Variants in LARGE1 observed in about 807,000 individuals in gnomAD.
LARGE1 encodes LARGE xylosyl- and glucuronyltransferase 1.
Under a neutral mutation model 87.6 loss-of-function variants are expected in LARGE1, and 43 were observed. That is an observed-to-expected ratio of 0.49 (90% CI 0.38 to 0.63). The LOEUF is 0.63. Ranked by LOEUF, LARGE1 falls within the 30% of genes least tolerant of loss-of-function variation. The pLI is 0.00. For synonymous variants in LARGE1, 434 were observed against 394.6 expected, an observed-to-expected ratio of 1.10 and a Z score of -1.18; for missense variants, 802 against 1,000.2, an observed-to-expected ratio of 0.80 and a Z score of 2.67.
chr22:33,718,361 T>C (rs545394282), intron 2 of LARGE1, among the ~76,000 whole-genome samples: 64 of 152,184 alleles, frequency 4.2e-4, no homozygotes, highest in Non-Finnish European at 7.6e-4. Context: ...AGTGACCAAT[T>C]TATGAGAGGA....
chr22:33,589,570 A>T (rs1272175731), intron 5 of LARGE1, among the ~76,000 whole-genome samples: 1 of 151,898 alleles, frequency 6.6e-6, no homozygotes, highest in African/African-American at 2.4e-5. Flanking sequence ...TTCTTACTTC[A>T]CAGAATTCTG....
At chr22:33,271,420 C>T (rs995213951), downstream of LARGE1, among the ~76,000 whole-genome samples, 3 of 152,178 alleles carry the variant, frequency 2.0e-5, no homozygotes, top group Non-Finnish European at 4.4e-5. Context: ...TGCAGTTTTG[C>T]TCCAAGGGTT....
the LARGE1 span, among the ~76,000 whole-genome samples, chr22:33,142,001 C>T: frequency 3.9e-5 from 6 of 152,164 alleles, no homozygotes; most frequent in East Asian, 1.2e-3. Flanking sequence ...ATTGATGTCT[C>T]TTACAGCTCA....
intron 2 of LARGE1, among the ~76,000 whole-genome samples, chr22:33,713,296 A>C (rs1192704408): frequency 1.3e-5 from 2 of 152,154 alleles, no homozygotes; most frequent in African/African-American, 4.8e-5. Flanking sequence ...GGATCAGATA[A>C]AGAAAAATGA....
At chr22:33,350,565 A>T (rs1940268074) in intron 9 of LARGE1, among the ~76,000 whole-genome samples, 1 of 152,110 alleles carries the variant, frequency 6.6e-6, no homozygotes, top group Non-Finnish European at 1.5e-5. Context: ...TGGGTGGAGG[A>T]GCAGCTGGCT....
intron 1 of LARGE1, among the ~76,000 whole-genome samples, chr22:33,762,068 T>C (rs2084751111): frequency 6.6e-6 from 1 of 151,682 alleles, no homozygotes. Context: ...GCACAAAAAT[T>C]AGCAGGGTAT....
chr22:33,396,725 AC>A (rs1405053449), intron 7 of LARGE1, among the ~76,000 whole-genome samples: 1 of 152,148 alleles, frequency 6.6e-6, no homozygotes, highest in African/African-American at 2.4e-5. Flanking sequence ...TTCTAGGCAG[AC>A]AGGGTGGGCT....
At chr22:33,802,876 A>C (rs1466631565) in intron 1 of LARGE1, among the ~76,000 whole-genome samples, 1 of 152,100 alleles carries the variant, frequency 6.6e-6, no homozygotes, top group Non-Finnish European at 1.5e-5. Flanking sequence ...AATTCACCCC[A>C]GTACTTCAGT....
rs550607912 is a variant in LARGE1, at chr22:33,701,981, T to G, written c.107-51313A>C. On this transcript the variant is annotated intron_variant, in intron 2 of 14. Coordinates refer to ENST00000397394, the MANE Select transcript of LARGE1 (RefSeq NM_133642.5). ...GTGTCTTGCGATTTTGCTAGTTCAT[T>G]AGTGTGAGTGTTCCTCTCCTCTGTC... Among the ~76,000 whole-genome samples the G allele has an allele frequency of 2.7e-4, 41 of 152,328 alleles. 2 individuals carry two copies. Among genetic ancestry groups the G allele is most frequent in the Middle Eastern group, 3.4e-3 (1 of 294 alleles).
At chr22:33,648,942 A>G (rs965343928) in intron 3 of LARGE1, among the ~76,000 whole-genome samples, 3 of 152,230 alleles carry the variant, frequency 2.0e-5, no homozygotes, top group Non-Finnish European at 2.9e-5. Context: ...ATGTTTGCTG[A>G]ACGAATGGAT....
chr22:33,340,273 T>G (rs756080359), intron 9 of LARGE1, among the ~76,000 whole-genome samples: 6 of 151,714 alleles, frequency 4.0e-5, no homozygotes, highest in Non-Finnish European at 7.4e-5. Flanking sequence ...GCTTAACTAC[T>G]CACTGGGCTT....
chr22:33,767,177 C>T (rs1248546656), intron 1 of LARGE1, among the ~76,000 whole-genome samples: 1 of 150,618 alleles, frequency 6.6e-6, no homozygotes, highest in African/African-American at 2.4e-5. Flanking sequence ...AAAAAATCAG[C>T]TGGACGTGGT....
At chr22:33,473,254 C>T (rs946197827) in intron 6 of LARGE1, among the ~76,000 whole-genome samples, 4 of 151,950 alleles carry the variant, frequency 2.6e-5, no homozygotes, top group East Asian at 1.9e-4. Context: ...CTGCAACCTC[C>T]GGCTCCCAGG....
At chr22:33,394,387 A>G (rs1420504111) in intron 7 of LARGE1, among the ~76,000 whole-genome samples, 2 of 152,038 alleles carry the variant, frequency 1.3e-5, no homozygotes, top group Non-Finnish European at 2.9e-5. Flanking sequence ...TTTAGTAGAG[A>G]CGGGGTTTCA....
chr22:33,231,705 G>A (rs551566013), intron 11 of LARGE1, among the ~76,000 whole-genome samples: 1 of 152,256 alleles, frequency 6.6e-6, no homozygotes, highest in African/African-American at 2.4e-5. Flanking sequence ...ACTAATCCAG[G>A]TCTTTTGATT....
chr22:33,811,378 G>A (rs1376778952), intron 1 of LARGE1, among the ~76,000 whole-genome samples: 2 of 152,152 alleles, frequency 1.3e-5, no homozygotes, highest in Non-Finnish European at 1.5e-5. Context: ...TGGGACGCTC[G>A]TGGCTGAAGA....
At chr22:33,183,397 C>A (rs906420205) in intron 11 of LARGE1, among the ~76,000 whole-genome samples, 11 of 151,978 alleles carry the variant, frequency 7.2e-5, no homozygotes, top group African/African-American at 2.7e-4. Flanking sequence ...ATTGTTACAA[C>A]CTTTATGGAA....
chr22:33,706,197 T>A (rs1451251978), intron 2 of LARGE1, among the ~76,000 whole-genome samples: 1 of 152,194 alleles, frequency 6.6e-6, no homozygotes, highest in Non-Finnish European at 1.5e-5. Context: ...TTCAACCCCA[T>A]CAGACTGGCT....
chr22:33,308,378 C>T (rs139889863), intron 11 of LARGE1, among the ~76,000 whole-genome samples: 162 of 152,278 alleles, frequency 1.1e-3, no homozygotes, highest in Non-Finnish European at 2.2e-3. Context: ...GTTTTGGGGT[C>T]AGACAGGCCT....
Sources: allele counts gnomAD v4.1 joint callset (sites outside exome capture counted in the v4.1 genomes callset), GRCh38; gene constraint gnomAD v4.1.1; transcripts MANE v1.5; gene names NCBI Gene and HGNC (gene_info 2026-07-23, HGNC 2026-07-21).